RELN: variants seen among roughly 807,000 people sequenced by gnomAD.
RELN encodes the protein reelin.
In RELN, 108 loss-of-function variants were observed where a neutral mutation model predicts 427.6. That is an observed-to-expected ratio of 0.25 (90% CI 0.22 to 0.30). The LOEUF is 0.30. Among genes scored for constraint, RELN ranks in the 10% least tolerant of loss-of-function variants. The pLI, the probability that RELN is intolerant of heterozygous loss-of-function variation, is 1.00. For synonymous variants in RELN, 1,524 were observed against 1,513.4 expected, an observed-to-expected ratio of 1.01 and a Z score of -0.16; for missense variants, 3,715 against 4,302.8, an observed-to-expected ratio of 0.86 and a Z score of 3.82.
At chr7:103,872,825 T>C (rs7788642) in intron 2 of RELN, among the ~76,000 whole-genome samples, 114,674 of 146,188 alleles carry the variant, frequency 0.78, 45,316 homozygotes, top group South Asian at 0.9. Flanking sequence ...TGATGATGAG[T>C]GTTTTTTCAT....
chr7:103,674,303 G>T (rs898417981), intron 11 of RELN, among the ~76,000 whole-genome samples: 1 of 152,066 alleles, frequency 6.6e-6, no homozygotes, highest in Non-Finnish European at 1.5e-5. Flanking sequence ...ATCCTGTTGA[G>T]GATATTAATT....
chr7:103,823,237 T>C (rs1301679404), intron 3 of RELN, among the ~76,000 whole-genome samples: 1 of 110,590 alleles, frequency 9.0e-6, no homozygotes, highest in East Asian at 2.6e-4. Context: ...TGTTTAGTTT[T>C]ATCTCTTAGA....
At chr7:103,744,462 T>C (rs556712468) in intron 6 of RELN, among the ~76,000 whole-genome samples, 2 of 152,060 alleles carry the variant, frequency 1.3e-5, no homozygotes, top group African/African-American at 2.4e-5. Flanking sequence ...TTCAAAAAAT[T>C]AATGAATCCA....
chr7:103,587,732 A>C (rs1040258358), intron 28 of RELN, among the ~76,000 whole-genome samples: 5 of 152,198 alleles, frequency 3.3e-5, no homozygotes, highest in African/African-American at 1.2e-4. Flanking sequence ...ATGAATAGAC[A>C]TTTCTCAAAA....
At chr7:103,759,068 A>T (rs74966888) in intron 4 of RELN, among the ~76,000 whole-genome samples, 3,082 of 152,230 alleles carry the variant, frequency 0.02, 114 homozygotes, top group African/African-American at 0.07. Context: ...AATAAAAGTA[A>T]ACAATCACTG....
chr7:103,752,327 G>A (rs1584464325), intron 5 of RELN, among the ~76,000 whole-genome samples: 1 of 152,132 alleles, frequency 6.6e-6, no homozygotes, highest in African/African-American at 2.4e-5. Context: ...CCTGCCTCAA[G>A]AACTGTGGGC....
chr7:103,570,614 T>C (rs1346271196), intron 31 of RELN, among the ~76,000 whole-genome samples: 2 of 152,252 alleles, frequency 1.3e-5, no homozygotes, highest in Non-Finnish European at 2.9e-5. Context: ...TGGTCATTAG[T>C]GCCCCACTGG....
At chr7:103,506,346 AC>A (rs1347850428) in intron 51 of RELN, among the ~76,000 whole-genome samples, 1 of 152,230 alleles carries the variant, frequency 6.6e-6, no homozygotes, top group African/African-American at 2.4e-5. Context: ...AGCCCATCAG[AC>A]TAACAGCAGA....
chr7:103,797,810 G>C (rs1266220734), intron 3 of RELN, among the ~76,000 whole-genome samples: 3 of 152,170 alleles, frequency 2.0e-5, no homozygotes, highest in African/African-American at 7.2e-5. Flanking sequence ...GGAAAGAAAT[G>C]CTGCCAAGAA....
At chr7:103,505,776 A>G (rs916522713) in intron 51 of RELN, among the ~76,000 whole-genome samples, 1 of 152,194 alleles carries the variant, frequency 6.6e-6, no homozygotes, top group African/African-American at 2.4e-5. Flanking sequence ...AAGGTGGGTA[A>G]TAACAAACTC....
intron 41 of RELN, among the ~76,000 whole-genome samples, chr7:103,546,425 A>AT (rs1830299204): frequency 1.3e-5 from 2 of 152,134 alleles, no homozygotes; most frequent in Admixed American, 6.5e-5. Context: ...GGTTGTTTCC[A>AT]TTTTTTGGCT....
chr7:103,802,891 T>C (rs1792503722), intron 3 of RELN, among the ~76,000 whole-genome samples: 1 of 152,160 alleles, frequency 6.6e-6, no homozygotes, highest in African/African-American at 2.4e-5. Flanking sequence ...CATCACAATA[T>C]AAAACTGCTT....
chr7:103,554,507 T>C (rs1455343444), intron 38 of RELN, among the ~76,000 whole-genome samples: 1 of 141,894 alleles, frequency 7.0e-6, no homozygotes, highest in African/African-American at 2.6e-5. Flanking sequence ...GAGGTGGAGG[T>C]TGCAGTGAGC....
At chr7:103,889,398 C>T (rs1200113898) in intron 2 of RELN, among the ~76,000 whole-genome samples, 5 of 152,130 alleles carry the variant, frequency 3.3e-5, no homozygotes, top group African/African-American at 9.7e-5. Flanking sequence ...TTTGGGAATG[C>T]TACCAAGAAC....
At chr7:103,944,523 C>A (rs1292975518) in intron 1 of RELN, among the ~76,000 whole-genome samples, 1 of 152,188 alleles carries the variant, frequency 6.6e-6, no homozygotes, top group Non-Finnish European at 1.5e-5. Context: ...AAGGAGCCCT[C>A]TGACTTCTTC....
At chr7:103,740,125 C>T (rs1261802419) in intron 6 of RELN, among the ~76,000 whole-genome samples, 1 of 151,778 alleles carries the variant, frequency 6.6e-6, no homozygotes, top group African/African-American at 2.4e-5. Context: ...TGACACTTAG[C>T]TCAAAAACAA....
intron 17 of RELN, among the ~76,000 whole-genome samples, chr7:103,639,561 G>A (rs189207580): frequency 7.9e-5 from 12 of 151,664 alleles, no homozygotes; most frequent in African/African-American, 2.9e-4. Context: ...CACCACGCCC[G>A]GCTAATTTTT....
intron 49 of RELN, among the ~76,000 whole-genome samples, chr7:103,518,505 G>GTTTTTTTTTTTTTTTTT (rs58239018): frequency 0.012 from 1,375 of 113,982 alleles, 108 homozygotes; most frequent in African/African-American, 0.021. Flanking sequence ...GGTAATTTAA[G>GTTTTTTTTTTTTTTTTT]TTTTTTTTTT....
At chr7:103,708,551 C>T (rs1192544045) in intron 8 of RELN, among the ~76,000 whole-genome samples, 1 of 147,364 alleles carries the variant, frequency 6.8e-6, no homozygotes, top group Non-Finnish European at 1.5e-5. Flanking sequence ...GCAAGATCCG[C>T]CTCCCGGGTT....
Sources: gnomAD v4.1 joint callset for allele counts (sites outside exome capture counted in the v4.1 genomes callset) on GRCh38, gnomAD v4.1.1 for gene constraint, MANE v1.5 for transcripts, NCBI Gene and HGNC (gene_info 2026-07-23, HGNC 2026-07-21) for gene names.